NWD2: variants seen among roughly 807,000 people sequenced by gnomAD.
The protein encoded by NWD2 is NACHT and WD repeat domain-containing protein 2.
In NWD2, 37 loss-of-function variants were observed where a neutral mutation model predicts 132.7. The observed-to-expected ratio is 0.28, with a 90% confidence interval of 0.21 to 0.37. The LOEUF is 0.37. NWD2 is among the 10% of genes least tolerant of loss of function. NWD2 has a pLI of 1.00. For synonymous variants in NWD2, 705 were observed against 803.0 expected (o/e 0.88, Z 2.06); for missense variants, 1,592 against 2,122.4 (o/e 0.75, Z 4.91).
At chr4:37,347,579 T>G (rs573032289) in intron 2 of NWD2, among the ~76,000 whole-genome samples, 5 of 152,326 alleles carry the variant, frequency 3.3e-5, no homozygotes, top group Admixed American at 2.0e-4. Flanking sequence ...TATACCAATT[T>G]AATTCTAGTG....
chr4:37,398,605 GC>G (rs1387664186), intron 3 of NWD2, among the ~76,000 whole-genome samples: 1 of 152,134 alleles, frequency 6.6e-6, no homozygotes, highest in African/African-American at 2.4e-5. Flanking sequence ...TGCATTCAAA[GC>G]CTATGGTCTT....
intron 1 of NWD2, among the ~76,000 whole-genome samples, chr4:37,268,413 C>T (rs1717801714): frequency 6.6e-6 from 1 of 151,796 alleles, no homozygotes; most frequent in South Asian, 2.1e-4. Flanking sequence ...TACGTTATTC[C>T]TTCTCTGTGT....
intron 3 of NWD2, among the ~76,000 whole-genome samples, chr4:37,427,109 T>C (rs1011991376): frequency 3.3e-5 from 5 of 151,838 alleles, no homozygotes; most frequent in African/African-American, 9.7e-5. Flanking sequence ...CTAAATCCCA[T>C]ATTTAATGTG....
chr4:37,339,182 T>C (rs1719470595), intron 2 of NWD2, among the ~76,000 whole-genome samples: 1 of 152,124 alleles, frequency 6.6e-6, no homozygotes. Flanking sequence ...TGTTACATCA[T>C]CCTTCTCCCA....
At chr4:37,383,503 C>T (rs1355978516) in intron 3 of NWD2, among the ~76,000 whole-genome samples, 1 of 152,150 alleles carries the variant, frequency 6.6e-6, no homozygotes, top group Non-Finnish European at 1.5e-5. Context: ...ATTGGCCTGT[C>T]TGTTCACATA....
intron 2 of NWD2, among the ~76,000 whole-genome samples, chr4:37,327,001 G>A (rs959554729): frequency 1.1e-4 from 16 of 152,196 alleles, no homozygotes; most frequent in East Asian, 5.8e-4. Context: ...ACATTGAATT[G>A]TCACTCATAA....
At chr4:37,262,628 A>G (rs191696793) in intron 1 of NWD2, among the ~76,000 whole-genome samples, 1 of 152,274 alleles carries the variant, frequency 6.6e-6, no homozygotes, top group African/African-American at 2.4e-5. Context: ...TGAAATGTGG[A>G]ACCTAAGCTG....
intron 2 of NWD2, among the ~76,000 whole-genome samples, chr4:37,337,143 A>G (rs1371252829): frequency 6.6e-6 from 1 of 152,164 alleles, no homozygotes; most frequent in African/African-American, 2.4e-5. Flanking sequence ...ACTAAAACGT[A>G]TGGTCAGTGA....
intron 2 of NWD2, among the ~76,000 whole-genome samples, chr4:37,334,127 G>C (rs1473351624): frequency 3.3e-5 from 5 of 152,152 alleles, no homozygotes; most frequent in Admixed American, 1.3e-4. Context: ...GAGTGGGCTA[G>C]AAAGTGTATT....
chr4:37,301,551 C>T (rs1718612278), intron 1 of NWD2, among the ~76,000 whole-genome samples: 2 of 151,690 alleles, frequency 1.3e-5, no homozygotes, highest in South Asian at 2.1e-4. Flanking sequence ...ATAATTTATT[C>T]AAATCTGTCT....
At chr4:37,259,427 T>G (rs1440883557) in intron 1 of NWD2, among the ~76,000 whole-genome samples, 1 of 152,146 alleles carries the variant, frequency 6.6e-6, no homozygotes, top group Non-Finnish European at 1.5e-5. Context: ...AGTAAATACT[T>G]GCTGAATTTT....
At chr4:37,339,640 C>A (rs959376731) in intron 2 of NWD2, among the ~76,000 whole-genome samples, 1 of 152,140 alleles carries the variant, frequency 6.6e-6, no homozygotes, top group Non-Finnish European at 1.5e-5. Flanking sequence ...CACCATGAGG[C>A]CTTTCTCAAA....
chr4:37,404,673 T>G (rs1374088116), intron 3 of NWD2, among the ~76,000 whole-genome samples: 1 of 152,314 alleles, frequency 6.6e-6, no homozygotes, highest in African/African-American at 2.4e-5. Context: ...GGATAATTTA[T>G]GAAGAAAAGA....
chr4:37,291,111 G>C (rs2109272192), intron 1 of NWD2, among the ~76,000 whole-genome samples: 1 of 152,298 alleles, frequency 6.6e-6, no homozygotes, highest in Admixed American at 6.5e-5. Flanking sequence ...GGGACATTCA[G>C]TGATAACCAC....
At chr4:37,332,475 A>G (rs1719315226) in intron 2 of NWD2, among the ~76,000 whole-genome samples, 2 of 144,462 alleles carry the variant, frequency 1.4e-5, no homozygotes, top group South Asian at 2.4e-4. Flanking sequence ...AAAAAAAAGG[A>G]CCCAGTCCTA....
chr4:37,267,968 C>G (rs1005638792), intron 1 of NWD2, among the ~76,000 whole-genome samples: 1 of 151,906 alleles, frequency 6.6e-6, no homozygotes, highest in Non-Finnish European at 1.5e-5. Flanking sequence ...CCACTTTTCT[C>G]ATGCTGGTAT....
intron 1 of NWD2, among the ~76,000 whole-genome samples, chr4:37,316,963 A>G (rs1718972153): frequency 6.6e-6 from 1 of 152,180 alleles, no homozygotes; most frequent in African/African-American, 2.4e-5. Context: ...ATTCCCCACA[A>G]TATGTGCTGT....
At chr4:37,387,954 C>G (rs1048644769) in intron 3 of NWD2, among the ~76,000 whole-genome samples, 2 of 74,696 alleles carry the variant, frequency 2.7e-5, no homozygotes, top group African/African-American at 1.0e-4. Context: ...CTTATAACAA[C>G]TATTTATTAA....
intron 1 of NWD2, among the ~76,000 whole-genome samples, chr4:37,251,263 A>T (rs1717354469): frequency 6.6e-6 from 1 of 152,228 alleles, no homozygotes. Flanking sequence ...TAGGTGACAG[A>T]GACTCCATCT....
Sources: allele counts gnomAD v4.1 joint callset (sites outside exome capture counted in the v4.1 genomes callset), GRCh38; gene constraint gnomAD v4.1.1; transcripts MANE v1.5; gene names NCBI Gene and HGNC (gene_info 2026-07-23, HGNC 2026-07-21).